CFAP47: variants seen among roughly 807,000 people sequenced by gnomAD.
The protein encoded by CFAP47 is cilia- and flagella-associated protein 47.
Under a neutral mutation model 148.1 loss-of-function variants are expected in CFAP47, and 29 were observed. The ratio of observed to expected loss-of-function variants is 0.20; its 90% CI spans 0.15 to 0.27. The LOEUF (loss-of-function observed/expected upper bound fraction) is 0.27. Ranked by LOEUF, CFAP47 falls within the 10% of genes least tolerant of loss-of-function variation. The pLI, the probability that CFAP47 is intolerant of heterozygous loss-of-function variation, is 1.00. For missense variants in CFAP47, 1,872 were observed against 1,697.5 expected (o/e 1.10, Z -1.81); for synonymous variants, 664 against 577.3 (o/e 1.15, Z -2.15).
chrX:36,156,817 T>G (rs1939373140), intron 37 of CFAP47, among the ~76,000 whole-genome samples: 1 of 111,515 alleles, frequency 9.0e-6, no homozygotes, highest in Admixed American at 9.6e-5. Context: ...CATGCTTCAA[T>G]ATAACTACAA....
intron 2 of CFAP47, among the ~76,000 whole-genome samples, chrX:35,926,604 A>C (rs978397207): frequency 1.8e-5 from 2 of 111,905 alleles, no homozygotes; most frequent in Non-Finnish European, 3.8e-5. Context: ...ATGATGATTC[A>C]TTTGTTGTTT....
chrX:36,181,758 A>G (rs1050866135), intron 40 of CFAP47, among the ~76,000 whole-genome samples: 2 of 111,762 alleles, frequency 1.8e-5, no homozygotes, highest in African/African-American at 6.5e-5. Context: ...TTAAAATACT[A>G]CGGATTTACT....
At chrX:36,146,971 C>T (rs139057920) in intron 36 of CFAP47, among the ~76,000 whole-genome samples, 4,136 of 109,902 alleles carry the variant, frequency 0.038, 110 homozygotes, top group African/African-American at 0.091. Context: ...TTAGTAGAGA[C>T]GGAGTTTCAT....
intron 60 of CFAP47, among the ~76,000 whole-genome samples, chrX:36,359,900 G>A (rs782596493): frequency 2.7e-5 from 3 of 110,849 alleles, no homozygotes; most frequent in East Asian, 2.8e-4. Context: ...ACAGGTGCCC[G>A]CCACCATGCC....
chrX:36,085,568 T>C (rs374533450), intron 30 of CFAP47, 30 bp downstream of exon 30: 3 of 951,604 alleles, frequency 3.2e-6, no homozygotes, highest in Non-Finnish European at 4.5e-6. Flanking sequence ...CATATAAGCA[T>C]ATAACTCTGG....
At chrX:36,197,206 T>G (rs1939929544) in intron 42 of CFAP47, among the ~76,000 whole-genome samples, 1 of 111,679 alleles carries the variant, frequency 9.0e-6, no homozygotes. Context: ...TTGAGTGGAG[T>G]CCTAGTTAAT....
chrX:36,259,709 C>T (rs868934227), intron 49 of CFAP47, among the ~76,000 whole-genome samples: 31 of 109,579 alleles, frequency 2.8e-4, no homozygotes, highest in African/African-American at 1.0e-3. Context: ...TTTTTTTTTG[C>T]CTTTTCTACT....
At chrX:36,004,711 T>C (rs773619028) in intron 21 of CFAP47, among the ~76,000 whole-genome samples, 21 of 109,941 alleles carry the variant, frequency 1.9e-4, no homozygotes, top group Non-Finnish European at 3.4e-4. Flanking sequence ...AGAGACAATC[T>C]ATAGAGTAGA....
chrX:36,002,145 A>T (rs1427064254), intron 21 of CFAP47, among the ~76,000 whole-genome samples: 2 of 110,955 alleles, frequency 1.8e-5, no homozygotes, highest in African/African-American at 6.6e-5. Flanking sequence ...ATGTTTAGTG[A>T]TTTAAAAACA....
intron 60 of CFAP47, among the ~76,000 whole-genome samples, chrX:36,355,203 C>CA (rs1395932194): frequency 2.7e-4 from 29 of 107,798 alleles, no homozygotes; most frequent in East Asian, 8.8e-4. Flanking sequence ...TGGCTAACGT[C>CA]AAAAAAAAAC....
At chrX:36,202,136 G>A (rs1224961569) in intron 44 of CFAP47, among the ~76,000 whole-genome samples, 1 of 111,330 alleles carries the variant, frequency 9.0e-6, no homozygotes, top group Non-Finnish European at 1.9e-5. Context: ...TTACTACCCT[G>A]TAGTAATAGT....
chrX:36,155,576 A>T (rs1479745315), intron 37 of CFAP47, among the ~76,000 whole-genome samples: 4 of 111,594 alleles, frequency 3.6e-5, no homozygotes, highest in African/African-American at 6.5e-5. Flanking sequence ...TAGGAAAAGA[A>T]ATGATGAATC....
At position 36,141,698 on chromosome X, in the gene CFAP47, A is replaced by G. The variant is rs1391571788; in HGVS notation, c.5535+3234A>G. ...TAAAAATAAGGAAATTTAATATTTT[A>G]TAAAAAGATAAAGCCAGACAATCAA... On this transcript the variant is annotated intron_variant, in intron 35 of 63. Transcript: ENST00000378653. Among the ~76,000 whole-genome samples, 3 of 112,529 alleles carry G rather than the reference A, an allele frequency of 2.7e-5. No individual in the cohort carries two copies. In the Admixed American group the frequency reaches 2.8e-4, roughly 11 times the overall value.
intron 15 of CFAP47, among the ~76,000 whole-genome samples, chrX:35,983,843 G>A: frequency 1.8e-5 from 2 of 112,095 alleles, no homozygotes; most frequent in Admixed American, 1.9e-4. Flanking sequence ...GCTTTCTGAT[G>A]TGCTGTTGGA....
rs1941459636 is a variant in CFAP47, at chrX:36,319,210, T to C, written c.8346T>C (p.Ser2782=). The C allele has an allele frequency of 1.9e-6, 2 of 1,049,627 alleles. No homozygotes were observed. The highest frequency in any genetic ancestry group is 2.6e-6 in the Non-Finnish European group (2 of 781,003). 86.5% of individuals were successfully genotyped at this position (1,049,627 alleles called of 1,213,427 possible). A position where few individuals can be genotyped will look rare whatever the true frequency, so the allele number is the denominator to read the frequency against. ...EDVLIDIILT[S]VEHPRNLVMD... ...AATATCTCTTTATTTTTTAATTAGG[T>C]GTGGAACATCCCAGGAATCTTGTCA... Residue 2782 remains serine (S), a splice_region_variant and synonymous_variant, in exon 57 of 64, where the codon AGT becomes AGC. Transcript: ENST00000378653.
chrX:35,956,341 A>G (rs1464464035), intron 8 of CFAP47, 145 bp downstream of exon 8: 1 of 482,244 alleles, frequency 2.1e-6, no homozygotes, highest in Non-Finnish European at 3.5e-6. Flanking sequence ...AGATTTTTGT[A>G]TTGGTACTCA....
intron 45 of CFAP47, among the ~76,000 whole-genome samples, chrX:36,214,458 A>G (rs185925340): frequency 2.9e-3 from 324 of 111,136 alleles, no homozygotes; most frequent in African/African-American, 0.01. Flanking sequence ...TTAATTTTAT[A>G]TAATAAATTA....
intron 8 of CFAP47, among the ~76,000 whole-genome samples, chrX:35,963,741 A>G (rs746280103): frequency 2.2e-4 from 24 of 111,591 alleles, no homozygotes; most frequent in Non-Finnish European, 3.4e-4. Flanking sequence ...CTTTAAAAAC[A>G]TTTAATTTTC....
At chrX:36,125,698 G>A (rs1310028760) in intron 33 of CFAP47, among the ~76,000 whole-genome samples, 2 of 106,769 alleles carry the variant, frequency 1.9e-5, no homozygotes, top group Non-Finnish European at 3.8e-5. Context: ...CCTTTGTAAT[G>A]GTCAGAGAAA....
Sources: allele counts gnomAD v4.1 joint callset (sites outside exome capture counted in the v4.1 genomes callset), GRCh38; gene constraint gnomAD v4.1.1; transcripts MANE v1.5; gene names NCBI Gene and HGNC (gene_info 2026-07-23, HGNC 2026-07-21).